Variants in DRC4 observed in about 807,000 individuals in gnomAD.
DRC4 encodes dynein regulatory complex subunit 4.
At chr16:90,034,855 C>A in the DRC4 span, among the ~76,000 whole-genome samples, 6 of 142,796 alleles carry the variant, frequency 4.2e-5, no homozygotes, top group Non-Finnish European at 6.0e-5. Context: ...TCCCAAGTAG[C>A]TGGAACTATA....
chr16:90,022,826 G>C, the DRC4 span: 3 of 1,137,430 alleles, frequency 2.6e-6, no homozygotes, highest in South Asian at 7.1e-5. Flanking sequence ...GGGAGGCCTG[G>C]AGCGCTGGGT....
the DRC4 span, chr16:90,036,475 G>C: frequency 1.2e-6 from 2 of 1,614,236 alleles, no homozygotes; most frequent in Non-Finnish European, 1.7e-6. Context: ...AGGAGAGGAA[G>C]AATGGCCAGA....
chr16:90,038,235 G>A, the DRC4 span, among the ~76,000 whole-genome samples: 2 of 152,162 alleles, frequency 1.3e-5, no homozygotes, highest in African/African-American at 2.4e-5. Context: ...ATGAGTCTCC[G>A]GCTGCTCAGT....
chr16:90,036,836 T>C, the DRC4 span: 2 of 637,080 alleles, frequency 3.1e-6, no homozygotes, highest in Admixed American at 2.3e-5. Flanking sequence ...ATGAAGTGTG[T>C]TCTGGTTTGT....
chr16:90,038,244 G>A, the DRC4 span, among the ~76,000 whole-genome samples: 2 of 152,198 alleles, frequency 1.3e-5, no homozygotes, highest in Non-Finnish European at 2.9e-5. Flanking sequence ...CGGCTGCTCA[G>A]TGCTGGTCCT....
the DRC4 span, among the ~76,000 whole-genome samples, chr16:90,033,521 G>A: frequency 1.8e-4 from 27 of 152,304 alleles, 1 homozygote; most frequent in Admixed American, 1.6e-3. Context: ...GAAAACATTA[G>A]CTGGTGTAGT....
At chr16:90,040,793 C>A in the DRC4 span, among the ~76,000 whole-genome samples, 7 of 151,574 alleles carry the variant, frequency 4.6e-5, no homozygotes, top group Non-Finnish European at 8.8e-5. Flanking sequence ...GGTTGGAGAG[C>A]CGCCAGGAGG....
At chr16:90,027,533 A>C in the DRC4 span, 21 of 1,098,292 alleles carry the variant, frequency 1.9e-5, no homozygotes, top group East Asian at 4.3e-4. Flanking sequence ...GAAGGGAGAG[A>C]GGTTCCAGAA....
chr16:90,027,650 A>G, the DRC4 span: 1 of 1,614,102 alleles, frequency 6.2e-7, no homozygotes, highest in South Asian at 1.1e-5. Flanking sequence ...CGAAAAAGAA[A>G]GGGAAGAAAG....
chr16:90,021,250 C>T, the DRC4 span, among the ~76,000 whole-genome samples: 1 of 152,182 alleles, frequency 6.6e-6, no homozygotes, highest in Non-Finnish European at 1.5e-5. Flanking sequence ...CCTGAGCAAA[C>T]CCAGCTCATG....
At chr16:90,037,261 G>A in the DRC4 span, 6 of 1,613,084 alleles carry the variant, frequency 3.7e-6, no homozygotes, top group Non-Finnish European at 4.2e-6. Context: ...GGAAGAAGGA[G>A]GACCACCTGG....
chr16:90,028,409 C>G, the DRC4 span, among the ~76,000 whole-genome samples: 1 of 151,380 alleles, frequency 6.6e-6, no homozygotes, highest in East Asian at 1.9e-4. Context: ...AGGATGGTCT[C>G]GATCTCCTGA....
At chr16:90,024,318 G>A in the DRC4 span, among the ~76,000 whole-genome samples, 2 of 152,076 alleles carry the variant, frequency 1.3e-5, no homozygotes, top group African/African-American at 2.4e-5. Flanking sequence ...AATTATTTAG[G>A]TGCACCGGCC....
chr16:90,029,199 T>A, the DRC4 span: 1 of 1,357,860 alleles, frequency 7.4e-7, no homozygotes, highest in Non-Finnish European at 9.8e-7. Flanking sequence ...TGGGGCAGCC[T>A]ACGGGGCAGG....
chr16:90,037,255 G>A, the DRC4 span: 2 of 1,612,714 alleles, frequency 1.2e-6, no homozygotes, highest in Non-Finnish European at 1.7e-6. Context: ...ACATGCGGAA[G>A]AAGGAGGACC....
At chr16:90,040,253 C>G in the DRC4 span, 2 of 1,528,112 alleles carry the variant, frequency 1.3e-6, no homozygotes, top group South Asian at 2.4e-5. Flanking sequence ...AGCGAGATGT[C>G]CCCAGGTGAG....
At chr16:90,021,356 A>C in the DRC4 span, among the ~76,000 whole-genome samples, 1 of 151,932 alleles carries the variant, frequency 6.6e-6, no homozygotes, top group Non-Finnish European at 1.5e-5. Flanking sequence ...TTCTACGAGC[A>C]TGGATTCTGT....
the DRC4 span, among the ~76,000 whole-genome samples, chr16:90,037,564 T>G: frequency 6.6e-6 from 1 of 152,122 alleles, no homozygotes; most frequent in South Asian, 2.1e-4. Flanking sequence ...AAGTAAAGTC[T>G]GGGGGTGTTT....
At chr16:90,031,585 C>A in the DRC4 span, 10 of 1,371,606 alleles carry the variant, frequency 7.3e-6, no homozygotes, top group Admixed American at 2.4e-5. Context: ...GGGACATTTT[C>A]TGTTCTTGGC....
Sources: gnomAD v4.1 joint callset for allele counts (sites outside exome capture counted in the v4.1 genomes callset) on GRCh38, gnomAD v4.1.1 for gene constraint, MANE v1.5 for transcripts, NCBI Gene and HGNC (gene_info 2026-07-23, HGNC 2026-07-21) for gene names.